The following PCLO variants were observed in gnomAD, a reference collection of about 807,000 sequenced individuals.
PCLO encodes protein piccolo.
A neutral mutation model predicts 427.5 loss-of-function variants in PCLO; 82 were observed. The observed-to-expected ratio is 0.19, with a 90% confidence interval of 0.16 to 0.23. The LOEUF (loss-of-function observed/expected upper bound fraction) is 0.23, where lower values mean the gene tolerates loss of function less well. Ranked by LOEUF, PCLO falls within the 10% of genes least tolerant of loss-of-function variation. The pLI is 1.00. For synonymous variants in PCLO, 2,357 were observed against 2,155.4 expected (o/e 1.09, Z -2.59); for missense variants, 6,239 against 6,115.9 (o/e 1.02, Z -0.67).
intron 16 of PCLO, among the ~76,000 whole-genome samples, chr7:82,829,779 C>A (rs1792046269): frequency 6.6e-6 from 1 of 151,892 alleles, no homozygotes; most frequent in South Asian, 2.1e-4. Flanking sequence ...TACCTGTGAA[C>A]AAGAAATTTG....
At position 82,999,530 on chromosome 7, in the gene PCLO, A is replaced by C. The variant is rs1169026280; in HGVS notation, c.3301-33043T>G. Among the ~76,000 whole-genome samples, 2 of 83,274 alleles carry C rather than the reference A, an allele frequency of 2.4e-5. 1 individual carries two copies. Among genetic ancestry groups the C allele is most frequent in the Non-Finnish European group, 4.1e-5 (2 of 48,898 alleles). The allele number at this position is 83,274 out of a possible 152,430, so 54.6% of individuals were successfully genotyped here. ...ATATTAAAATATAAAATATAATATT[A>C]TATTAAAATATAAAATATAATATTA... On this transcript the variant is annotated intron_variant, in intron 3 of 24. Coordinates refer to ENST00000333891, the MANE Select transcript of PCLO (RefSeq NM_033026.6).
At position 82,954,265 on chromosome 7, in the gene PCLO, T is replaced by G. The variant is rs1477169189; in HGVS notation, c.6688A>C (p.Thr2230Pro). Residue 2230 changes from threonine (T) to proline (P), a missense_variant, in exon 5 of 25, where the codon ACT (threonine) becomes CCT (proline). Around this residue, in one of 5 missense-constraint regions of PCLO, gnomAD observed 4,677 missense variants for 4,468.4 expected, o/e 1.05. Transcript: ENST00000333891. The part of the protein sequence containing the change: ...FEDSEEISSS[T>P]YFPGSIIDYP... Reference sequence around the variant, plus strand: ...TCTATAATGCTGCCTGGAAAATAAGTTGATGAAGAAATTTCCTCAGAATCT... The same window carrying G: ...TCTATAATGCTGCCTGGAAAATAAGGTGATGAAGAAATTTCCTCAGAATCT... 6.2e-7 allele frequency: 1 copy of G among 1,613,754 alleles called. No homozygotes were observed. The highest frequency in any genetic ancestry group is 8.5e-7 in the Non-Finnish European group (1 of 1,179,744).
intron 3 of PCLO, among the ~76,000 whole-genome samples, chr7:83,051,539 A>C (rs1789254757): frequency 6.6e-6 from 1 of 152,178 alleles, no homozygotes; most frequent in African/African-American, 2.4e-5. Context: ...TACAGCTCTA[A>C]TTAAGAAATT....
chr7:82,983,540 G>A (rs1365752351), intron 3 of PCLO, among the ~76,000 whole-genome samples: 1 of 149,806 alleles, frequency 6.7e-6, no homozygotes, highest in Non-Finnish European at 1.5e-5. Flanking sequence ...ATATACAAAT[G>A]GCCTTAGCAA....
intron 3 of PCLO, among the ~76,000 whole-genome samples, chr7:83,025,991 G>A (rs960200373): frequency 1.1e-4 from 16 of 151,528 alleles, no homozygotes; most frequent in Admixed American, 3.9e-4. Context: ...TACCAGCCGC[G>A]GCAAAATCAT....
At chr7:82,900,278 A>T (rs1794006342) in intron 9 of PCLO, among the ~76,000 whole-genome samples, 1 of 151,720 alleles carries the variant, frequency 6.6e-6, no homozygotes, top group Non-Finnish European at 1.5e-5. Flanking sequence ...ATTGTCTAAG[A>T]TCTGCAAGGA....
chr7:83,127,922 T>C (rs1791478822), intron 3 of PCLO, among the ~76,000 whole-genome samples: 1 of 152,112 alleles, frequency 6.6e-6, no homozygotes, highest in African/African-American at 2.4e-5. Flanking sequence ...GTGTATCTCT[T>C]GACAATGATA....
At chr7:82,759,361 A>G (rs1461845639) in intron 24 of PCLO, among the ~76,000 whole-genome samples, 2 of 151,776 alleles carry the variant, frequency 1.3e-5, no homozygotes, top group Non-Finnish European at 2.9e-5. Context: ...CAGTTATATA[A>G]TTTACCCTTA....
chr7:83,148,776 T>C (rs1792058636), intron 2 of PCLO, among the ~76,000 whole-genome samples: 1 of 152,216 alleles, frequency 6.6e-6, no homozygotes, highest in South Asian at 2.1e-4. Context: ...ATGTCATTCA[T>C]GCCATGTTAT....
chr7:82,914,084 TGA>T (rs1332937804), intron 7 of PCLO, among the ~76,000 whole-genome samples: 2 of 152,006 alleles, frequency 1.3e-5, no homozygotes. Flanking sequence ...GTATTCATAA[TGA>T]GAGAGAAAGA....
chr7:83,156,457 T>A, intron 1 of PCLO, 65 bp from the exon 2 acceptor site: 2 of 1,079,422 alleles, frequency 1.9e-6, no homozygotes, highest in Non-Finnish European at 2.6e-6. Context: ...CAAATCAAAG[T>A]AATACAAAAA....
chr7:82,847,310 CA>C lies in PCLO; in HGVS notation c.13655-64del. The C allele has an allele frequency of 3.5e-6, 3 of 845,434 alleles. No homozygotes were observed. The Admixed American group carries it at 6.8e-5, about 19-fold the overall frequency. 52.4% of individuals were successfully genotyped at this position (845,434 alleles called of 1,614,324 possible). On this transcript the variant is annotated intron_variant, in intron 10 of 24. Coordinates refer to ENST00000333891, the MANE Select transcript of PCLO (RefSeq NM_033026.6). ...CTATCTCTAGTCTGGGTACATATGG[CA>C]TTGAAGACATTTATTTGCATTTAGA...
chr7:83,105,943 G>GGTTT (rs138222637), intron 3 of PCLO, among the ~76,000 whole-genome samples: 69,300 of 151,506 alleles, frequency 0.46, 16,201 homozygotes, highest in East Asian at 0.71. Context: ...GGGCAAGAAA[G>GGTTT]GTTTGTTTGT....
chr7:83,067,548 C>G (rs1157826865), intron 3 of PCLO, among the ~76,000 whole-genome samples: 1 of 152,146 alleles, frequency 6.6e-6, no homozygotes, highest in Admixed American at 6.5e-5. Context: ...ACTGAATCCC[C>G]TGGCTGAAGC....
Position 83,156,063 on chromosome 7 carries a change from T to G in PCLO, c.578A>C (p.Gln193Pro). The change falls in exon 2 of 25, where the codon CAA becomes CCA. Residue 193 changes from glutamine (Q) to proline (P), a missense_variant. Around this residue, in one of 5 missense-constraint regions of PCLO, gnomAD observed 4,677 missense variants for 4,468.4 expected, o/e 1.05. Coordinates refer to ENST00000333891, the MANE Select transcript of PCLO (RefSeq NM_033026.6). ...EASQEETTKK[Q>P]KVVQKEQGKP... ...TCCTTGCTCCTTCTGAACCACTTTT[T>G]GTTTCTTGGTGGTTTCTTCCTGGGA... 3 of 1,613,804 alleles carry G rather than the reference T, an allele frequency of 1.9e-6. No homozygotes were observed. Among genetic ancestry groups the G allele is most frequent in the Non-Finnish European group, 2.5e-6 (3 of 1,179,858 alleles).
intron 3 of PCLO, among the ~76,000 whole-genome samples, chr7:83,111,455 A>G (rs1791000155): frequency 6.6e-6 from 1 of 152,230 alleles, no homozygotes; most frequent in African/African-American, 2.4e-5. Context: ...CCCTTTCTCC[A>G]GTGAGGGTTT....
At chr7:82,923,811 T>A (rs777302440) in intron 6 of PCLO, among the ~76,000 whole-genome samples, 29 of 152,100 alleles carry the variant, frequency 1.9e-4, no homozygotes, top group Non-Finnish European at 4.0e-4. Flanking sequence ...CATGGCTATT[T>A]ATGGTCCAGC....
At chr7:82,965,196 C>A (rs1795736224) in intron 4 of PCLO, among the ~76,000 whole-genome samples, 1 of 151,950 alleles carries the variant, frequency 6.6e-6, no homozygotes, top group Admixed American at 6.6e-5. Context: ...AAACTGCTAA[C>A]AGATACATTA....
chr7:82,907,168 T>G (rs1219699610), intron 8 of PCLO, among the ~76,000 whole-genome samples: 1 of 151,978 alleles, frequency 6.6e-6, no homozygotes. Flanking sequence ...TTTGATAAAT[T>G]AGGTGGAAAA....
Sources: allele counts gnomAD v4.1 joint callset (sites outside exome capture counted in the v4.1 genomes callset), GRCh38; gene constraint gnomAD v4.1.1; regional missense constraint gnomAD v4.1.1; transcripts MANE v1.5; gene names NCBI Gene and HGNC (gene_info 2026-07-23, HGNC 2026-07-21).